DOCK6: variants seen among roughly 807,000 people sequenced by gnomAD.
DOCK6 encodes the protein dedicator of cytokinesis protein 6.
In DOCK6, 167 loss-of-function variants were observed where a neutral mutation model predicts 230.3. The observed-to-expected ratio is 0.73, with a 90% confidence interval of 0.64 to 0.82. The LOEUF (loss-of-function observed/expected upper bound fraction) is 0.82, where lower values mean the gene tolerates loss of function less well. Ranked by LOEUF, DOCK6 falls within the 40% of genes least tolerant of loss-of-function variation. DOCK6 has a pLI of 0.00. For synonymous variants in DOCK6, 1,148 were observed against 1,185.0 expected (o/e 0.97, Z 0.64); for missense variants, 2,598 against 2,825.8 (o/e 0.92, Z 1.83).
At chr19:11,260,240 C>G (rs909050501) in intron 1 of DOCK6, among the ~76,000 whole-genome samples, 1 of 152,100 alleles carries the variant, frequency 6.6e-6, no homozygotes, top group Non-Finnish European at 1.5e-5. Context: ...CTCTTTCTCA[C>G]TTGAGTAAAA....
chr19:11,204,085 CA>C lies in DOCK6; in HGVS notation c.5230del (p.Trp1744GlyfsTer95). 6.5e-7 allele frequency: 1 copy of C among 1,549,896 alleles called. No homozygotes were observed. The highest frequency in any genetic ancestry group is 8.7e-7 in the Non-Finnish European group (1 of 1,146,708). Reference protein sequence around the residue: ...FTKIMHQSSGWERVFGTYFRV... With the variant: ...FTKIMHQSSGXERVFGTYFRV... ...TGTCCACCAAGGCTGACTCACCTCC[CA>C]GCCGGAACTCTGTGGGGAAGAGAAG... On this transcript the variant is annotated frameshift_variant, in exon 41 of 48. Transcript: ENST00000294618. LOFTEE classifies it high-confidence loss of function.
chr19:11,229,450 G>T, intron 22 of DOCK6: 1 of 881,462 alleles, frequency 1.1e-6, no homozygotes, highest in Non-Finnish European at 1.4e-6. Context: ...GGGGTATGTG[G>T]TTGGAGGAAA....
In DOCK6 at chr19:11,200,886, C is replaced by T. The variant is rs760877084; in HGVS notation, c.5832+23G>A. On this transcript the variant is annotated intron_variant, in intron 45 of 47. Coordinates refer to ENST00000294618, the MANE Select transcript of DOCK6 (RefSeq NM_020812.4). This position sits in a 1 kb window ranked among gnomAD's most constrained non-coding sequence, Gnocchi z 4.3. Reference sequence around the variant, plus strand: ...CACCTGGAGTCCCCCGTGCGGCTTGCATCCCCCTTCCACCAGCCGTGCCTG... The same window carrying T: ...CACCTGGAGTCCCCCGTGCGGCTTGTATCCCCCTTCCACCAGCCGTGCCTG... 5.6e-6 allele frequency: 9 copies of T among 1,613,842 alleles called. No homozygotes were observed. The highest frequency in any genetic ancestry group is 1.3e-5 in the African/African-American group (1 of 75,008).
rs368861311 is a variant in DOCK6 at position 11,222,126 on chromosome 19, G to C, written c.3363C>G (p.Leu1121=). Residue 1121 remains leucine, a synonymous_variant, in exon 27 of 48, where the codon CTC becomes CTG. Transcript: ENST00000294618. This position sits in a 1 kb window ranked among gnomAD's most constrained non-coding sequence, Gnocchi z 4.0. ...CTGCTCACCCTTCAGCCTCAGGTTC[G>C]AGGGCCAGTGCCAGCTCCGTCAGCA... ...GLLLTELALA[L]EPEAEGAFLL... is the part of the protein sequence containing the mutation. 5.0e-6 allele frequency: 8 copies of C among 1,612,940 alleles called. No individual in the cohort carries two copies. The highest frequency in any genetic ancestry group is 6.8e-6 in the Non-Finnish European group (8 of 1,179,578).
In DOCK6 at chr19:11,202,230, C is replaced by G. The variant is rs148197685; in HGVS notation, c.5452-105G>C. 1.7e-3 allele frequency: 2,329 copies of G among 1,409,082 alleles called. 26 individuals are homozygous for G. In the African/African-American group the frequency reaches 0.024, roughly 15 times the overall value. The allele number at this position is 1,409,082 out of a possible 1,614,324, so 87.3% of individuals were successfully genotyped here. A position where few individuals can be genotyped will look rare whatever the true frequency, so the allele number is the denominator to read the frequency against. Reference sequence around the variant, plus strand: ...GGGGACTTTGTCATTTCCAAGTCTTCCTATGTCTGGATGTTTGGGAATCCC... The same window carrying G: ...GGGGACTTTGTCATTTCCAAGTCTTGCTATGTCTGGATGTTTGGGAATCCC... On this transcript the variant is annotated intron_variant, in intron 43 of 47. Transcript: ENST00000294618. The surrounding 1 kb of genome is among the most constrained non-coding windows in gnomAD (Gnocchi z 5.3).
rs1363799665 is a variant in DOCK6, at chr19:11,252,465, C to T, written c.377+17G>A. On this transcript the variant is annotated intron_variant, in intron 4 of 47. Transcript: ENST00000294618. The stretch of plus-strand genomic sequence containing the variant: ...TTGGGTTCCGAACCCCCTGAGCTGC[C>T]CCTAAGTCAGACTCACCTTCTGTGG... 3.1e-6 allele frequency: 5 copies of T among 1,613,630 alleles called. No homozygotes were observed. The highest frequency in any genetic ancestry group is 4.2e-6 in the Non-Finnish European group (5 of 1,179,792).
intron 5 of DOCK6, 133 bp downstream of exon 5, chr19:11,251,986 T>G: frequency 1.5e-6 from 2 of 1,343,896 alleles, no homozygotes; most frequent in Non-Finnish European, 1.0e-6. Flanking sequence ...CCTAACTTTT[T>G]ACTCATGGGG....
chr19:11,200,611 G>T lies in DOCK6; in HGVS notation c.5939+105C>A. ...GTCAGGTTGGGAGAGTGGACTTAAT[G>T]GGAATCGGGCAGATGGGGGAGCCAT... On this transcript the variant is annotated intron_variant, in intron 46 of 47. Coordinates refer to ENST00000294618, the MANE Select transcript of DOCK6 (RefSeq NM_020812.4). The surrounding 1 kb of genome is among the most constrained non-coding windows in gnomAD (Gnocchi z 4.3). The T allele has an allele frequency of 6.7e-7, 1 of 1,494,698 alleles. No homozygotes were observed. The highest frequency in any genetic ancestry group is 9.0e-7 in the Non-Finnish European group (1 of 1,107,304). The allele number at this position is 1,494,698 out of a possible 1,614,324, so 92.6% of individuals were successfully genotyped here.
rs1219576861 is a variant in DOCK6 at position 11,199,532 on chromosome 19, A to T, written c.6109T>A (p.Leu2037Met). The stretch of plus-strand genomic sequence containing the variant: ...GCCTTTCGGAAACTTGCTCTGTTCA[A>T]GGAGTTCCTGGAAAAAGAATGAGGG... Reference protein sequence around the residue: ...APTPPGLRNSLNRASFRKADL With the variant: ...APTPPGLRNSMNRASFRKADL Residue 2037 changes from leucine (L) to methionine (M), a missense_variant, in exon 48 of 48, where the codon TTG becomes ATG. Physicochemically the swap from Leu to Met is conservative, Grantham distance 15 (BLOSUM62 2). Transcript: ENST00000294618. The T allele has an allele frequency of 1.3e-6, 2 of 1,580,448 alleles. No homozygotes were observed. Among genetic ancestry groups the T allele is most frequent in the Non-Finnish European group, 1.7e-6 (2 of 1,163,082 alleles).
intron 37 of DOCK6, 54 bp from the exon 38 acceptor site, chr19:11,209,157 C>T: frequency 6.4e-7 from 1 of 1,553,194 alleles, no homozygotes; most frequent in Non-Finnish European, 8.7e-7. Flanking sequence ...GTCCTCCCCA[C>T]CTGCCTCCCA....
At chr19:11,219,527 C>T (rs1026689938) in intron 28 of DOCK6, among the ~76,000 whole-genome samples, 49 of 151,778 alleles carry the variant, frequency 3.2e-4, no homozygotes, top group Non-Finnish European at 5.4e-4. Context: ...TGGTGGCTCA[C>T]GCCTGTAATC....
chr19:11,257,956 A>G (rs1263464311), intron 1 of DOCK6, among the ~76,000 whole-genome samples: 3 of 152,262 alleles, frequency 2.0e-5, no homozygotes, highest in African/African-American at 7.2e-5. Context: ...ACACACACAC[A>G]CGCACACAGA....
chr19:11,206,296 T>G (rs1351540807), intron 39 of DOCK6: 1 of 152,018 alleles, frequency 6.6e-6, no homozygotes, highest in Non-Finnish European at 1.5e-5. Context: ...GGCTCACGCC[T>G]GTAATCCCAG....
intron 1 of DOCK6, among the ~76,000 whole-genome samples, chr19:11,260,882 C>CAAAAAAAAAAAAAAAAAAAAAAAAA (rs59900669): frequency 1.6e-4 from 10 of 61,744 alleles, no homozygotes; most frequent in African/African-American, 6.3e-4. Flanking sequence ...GACTCTGTCT[C>CAAAAAAAAAAAAAAAAAAAAAAAAA]AAAAAAAAAA....
At position 11,217,707 on chromosome 19, in the gene DOCK6, G is replaced by A. The variant is rs113441245; in HGVS notation, c.3551-316C>T. Among the ~76,000 whole-genome samples the A allele has an allele frequency of 0.51, 73,539 of 144,800 alleles. 20,169 individuals carry two copies. The highest frequency in any genetic ancestry group is 0.62 in the Non-Finnish European group (40,808 of 66,088). 95.0% of individuals were successfully genotyped at this position (144,800 alleles called of 152,430 possible). ...TGGGAGGTGGAGGTTACAGTGAGCCGAGATCGCGCCACTGCACTCCAGCCT... is the reference window on the plus strand; with the variant it reads ...TGGGAGGTGGAGGTTACAGTGAGCCAAGATCGCGCCACTGCACTCCAGCCT... On this transcript the variant is annotated intron_variant, in intron 28 of 47. Coordinates refer to ENST00000294618, the MANE Select transcript of DOCK6 (RefSeq NM_020812.4).
At chr19:11,259,719 T>C (rs760463305) in intron 1 of DOCK6, among the ~76,000 whole-genome samples, 5 of 150,206 alleles carry the variant, frequency 3.3e-5, no homozygotes, top group Non-Finnish European at 5.9e-5. Flanking sequence ...CACCACGCTT[T>C]TGTAAATTTG....
In DOCK6 at chr19:11,214,408, G is replaced by A. The variant is rs147554257; in HGVS notation, c.4205C>T (p.Thr1402Met). Residue 1402 changes from threonine (T) to methionine (M), a missense_variant and splice_region_variant, in exon 34 of 48, where the codon ACG (threonine) becomes ATG (methionine). By Grantham distance (81) the Thr-to-Met change is moderately conservative. Coordinates refer to ENST00000294618, the MANE Select transcript of DOCK6 (RefSeq NM_020812.4). The part of the protein sequence containing the change: ...VLDTLEIIVQ[T>M]VMLSEARESV... Reference sequence around the variant, plus strand: ...CTCCCGGGCTTCTGAAAGCATCACCGTCTGGAGGGAAGGGGGTCAGAAATC... The same window carrying A: ...CTCCCGGGCTTCTGAAAGCATCACCATCTGGAGGGAAGGGGGTCAGAAATC... The A allele has an allele frequency of 7.1e-4, 1,151 of 1,613,746 alleles. 9 individuals are homozygous for A. In the African/African-American group the frequency reaches 0.013, roughly 18 times the overall value.
At chr19:11,257,176 T>TATC (rs397785547) in intron 1 of DOCK6, among the ~76,000 whole-genome samples, 2 of 150,662 alleles carry the variant, frequency 1.3e-5, no homozygotes, top group Non-Finnish European at 3.0e-5. Context: ...TTATTATTAT[T>TATC]TGTAGAAATG....
chr19:11,246,403 C>T (rs547502429), intron 7 of DOCK6, among the ~76,000 whole-genome samples: 6 of 152,064 alleles, frequency 3.9e-5, no homozygotes, highest in South Asian at 2.1e-4. Flanking sequence ...ATCACGTCCC[C>T]GGCTTGCTGT....
Sources: gnomAD v4.1 joint callset for allele counts (sites outside exome capture counted in the v4.1 genomes callset) on GRCh38, gnomAD v4.1.1 for gene constraint, Gnocchi (gnomAD v3.1) non-coding constraint, MANE v1.5 for transcripts, NCBI Gene and HGNC (gene_info 2026-07-23, HGNC 2026-07-21) for gene names.